Variants in GIPC2 observed in about 807,000 individuals in gnomAD.
The protein encoded by GIPC2 is PDZ domain-containing protein GIPC2.
Under a neutral mutation model 30.6 loss-of-function variants are expected in GIPC2, and 30 were observed. The observed-to-expected ratio is 0.98, with a 90% CI of 0.73 to 1.33. The LOEUF is 1.33. Ranked by LOEUF, GIPC2 falls within the 40% of genes most tolerant of loss-of-function variation. The pLI is 0.00. For synonymous variants in GIPC2, 167 were observed against 150.0 expected, an observed-to-expected ratio of 1.11 and a Z score of -0.83; for missense variants, 414 against 390.3, an observed-to-expected ratio of 1.06 and a Z score of -0.51.
chr1:78,076,865 T>G (rs1661726081), intron 1 of GIPC2, among the ~76,000 whole-genome samples: 1 of 151,958 alleles, frequency 6.6e-6, no homozygotes, highest in African/African-American at 2.4e-5. Flanking sequence ...GCCTCCTGGG[T>G]TCAAGCGATT....
chr1:78,083,911 CT>C (rs904917603), intron 2 of GIPC2, among the ~76,000 whole-genome samples: 4 of 152,184 alleles, frequency 2.6e-5, no homozygotes, highest in African/African-American at 9.7e-5. Context: ...TCCTTTTCCC[CT>C]GACCTAGAAT....
chr1:78,131,027 G>C (rs770080057), intron 5 of GIPC2, among the ~76,000 whole-genome samples: 2 of 151,938 alleles, frequency 1.3e-5, no homozygotes, highest in Non-Finnish European at 2.9e-5. Context: ...TTTTGAGATG[G>C]GGTCTCACTA....
chr1:78,112,090 A>G (rs1222099403), intron 3 of GIPC2, among the ~76,000 whole-genome samples: 2 of 152,244 alleles, frequency 1.3e-5, no homozygotes, highest in Non-Finnish European at 2.9e-5. Context: ...TAAGAGAGCC[A>G]GATAATATGC....
At chr1:78,062,653 G>A (rs758012580) in intron 1 of GIPC2, among the ~76,000 whole-genome samples, 6 of 151,412 alleles carry the variant, frequency 4.0e-5, no homozygotes, top group African/African-American at 1.5e-4. Context: ...GACCACAGGC[G>A]TGCCACAGTG....
chr1:78,129,033 A>AATG lies in GIPC2; in HGVS notation c.796+3072_796+3073insTGA, dbSNP rs758472907. 1.3e-4 allele frequency among the ~76,000 whole-genome samples: 12 copies of AATG among 92,110 alleles called. No homozygotes were observed. The East Asian group carries it at 6.1e-3, about 47-fold the overall frequency. The allele number at this position is 92,110 out of a possible 152,430, so 60.4% of individuals were successfully genotyped here. A position where few individuals can be genotyped will look rare whatever the true frequency, so the allele number is the denominator to read the frequency against. The stretch of plus-strand genomic sequence containing the variant: ...AAATAAATAAATAAATAAATAAATG[A>AATG]AAAAAAAAAGAAGAAAATGCAGCTT... On this transcript the variant is annotated intron_variant, in intron 5 of 5. Transcript: ENST00000370759.
chr1:78,100,981 C>G (rs1336119793), intron 3 of GIPC2, among the ~76,000 whole-genome samples: 1 of 144,198 alleles, frequency 6.9e-6, no homozygotes, highest in Admixed American at 6.9e-5. Context: ...CACACACACA[C>G]ATACACACGA....
chr1:78,107,823 T>TC (rs1662387724), intron 3 of GIPC2, among the ~76,000 whole-genome samples: 1 of 27,384 alleles, frequency 3.7e-5, no homozygotes, highest in African/African-American at 1.4e-4. Flanking sequence ...AAACTCTGTC[T>TC]CAAAAAAAAA....
At chr1:78,097,552 A>G (rs1437676041) in intron 3 of GIPC2, among the ~76,000 whole-genome samples, 1 of 152,226 alleles carries the variant, frequency 6.6e-6, no homozygotes, top group Non-Finnish European at 1.5e-5. Flanking sequence ...TAGGACTGCA[A>G]GCACCACTTC....
intron 3 of GIPC2, among the ~76,000 whole-genome samples, chr1:78,098,082 T>C (rs1311060414): frequency 6.6e-6 from 1 of 152,238 alleles, no homozygotes; most frequent in African/African-American, 2.4e-5. Context: ...CACAGCAGTA[T>C]TGATTTTCTC....
intron 3 of GIPC2, among the ~76,000 whole-genome samples, chr1:78,095,496 C>A (rs192309882): frequency 1.3e-5 from 2 of 152,264 alleles, no homozygotes; most frequent in East Asian, 3.9e-4. Flanking sequence ...ATAACTGTTG[C>A]TCATGGATCT....
intron 3 of GIPC2, among the ~76,000 whole-genome samples, chr1:78,115,356 C>T (rs1269701839): frequency 6.6e-6 from 1 of 152,070 alleles, no homozygotes; most frequent in African/African-American, 2.4e-5. Context: ...TTTCACCCTG[C>T]AGGAAATTTA....
At chr1:78,128,609 GAAGCAAAT>G (rs1662829158) in intron 5 of GIPC2, among the ~76,000 whole-genome samples, 1 of 152,134 alleles carries the variant, frequency 6.6e-6, no homozygotes, top group South Asian at 2.1e-4. Flanking sequence ...ATACAGGAGG[GAAGCAAAT>G]GTATATATGT....
chr1:78,116,503 G>T (rs1207363057), intron 3 of GIPC2, among the ~76,000 whole-genome samples: 2 of 141,754 alleles, frequency 1.4e-5, no homozygotes, highest in African/African-American at 5.3e-5. Context: ...TATCCCTCCC[G>T]CCTCCCCCCA....
intron 4 of GIPC2, among the ~76,000 whole-genome samples, chr1:78,122,464 C>G (rs1195741395): frequency 6.6e-6 from 1 of 152,200 alleles, no homozygotes; most frequent in Admixed American, 6.5e-5. Flanking sequence ...TTCCGCATGG[C>G]TGGGAGACCT....
chr1:78,046,383 C>G (rs766589686), intron 1 of GIPC2, 49 bp downstream of exon 1: 5 of 1,481,392 alleles, frequency 3.4e-6, no homozygotes, highest in Middle Eastern at 2.2e-4. Context: ...CGCGCCGCGC[C>G]GCGCCGCGCG....
Position 78,135,350 on chromosome 1 carries a change from G to C in GIPC2, c.797-242G>C, listed in dbSNP as rs563464393. ...CTGATGGGCTCCAAGGTTGGGTAGG[G>C]GGCAAGGGTGGCAGCTGCAAACCTG... is the stretch of plus-strand genomic sequence containing the variant. On this transcript the variant is annotated intron_variant, in intron 5 of 5. Coordinates refer to ENST00000370759, the MANE Select transcript of GIPC2 (RefSeq NM_017655.6). Among the ~76,000 whole-genome samples, 10 of 152,284 alleles carry C rather than the reference G, an allele frequency of 6.6e-5. No individual in the cohort carries two copies. In the East Asian group the frequency reaches 1.9e-3, roughly 29 times the overall value.
At chr1:78,083,457 T>G (rs115013079) in intron 2 of GIPC2, among the ~76,000 whole-genome samples, 2,687 of 152,276 alleles carry the variant, frequency 0.018, 59 homozygotes, top group South Asian at 0.1. Context: ...CACTAGTCTT[T>G]TTCACTACAA....
intron 1 of GIPC2, among the ~76,000 whole-genome samples, chr1:78,058,655 G>C (rs1372077677): frequency 1.3e-5 from 2 of 152,086 alleles, no homozygotes; most frequent in African/African-American, 4.8e-5. Flanking sequence ...ATAACTTTGG[G>C]AACTGTATTT....
intron 1 of GIPC2, among the ~76,000 whole-genome samples, chr1:78,065,876 C>T (rs1352193775): frequency 6.6e-6 from 1 of 151,988 alleles, no homozygotes; most frequent in African/African-American, 2.4e-5. Context: ...TTTCCTTACA[C>T]CATATACAAA....
Sources: allele counts gnomAD v4.1 joint callset (sites outside exome capture counted in the v4.1 genomes callset), GRCh38; gene constraint gnomAD v4.1.1; transcripts MANE v1.5; gene names NCBI Gene and HGNC (gene_info 2026-07-23, HGNC 2026-07-21).